Variants in R3HDM2 observed in about 807,000 individuals in gnomAD.
R3HDM2 encodes the protein R3H domain-containing protein 2.
Under a neutral mutation model 124.5 loss-of-function variants are expected in R3HDM2, and 38 were observed. The ratio of observed to expected loss-of-function variants is 0.31; its 90% CI spans 0.24 to 0.40. The LOEUF is 0.40. R3HDM2 is among the 10% of genes least tolerant of loss of function. The pLI is 1.00. For synonymous variants in R3HDM2, 391 were observed against 448.0 expected (o/e 0.87, Z 1.61); for missense variants, 869 against 1,236.9 (o/e 0.70, Z 4.46).
At chr12:57,368,247 A>C (rs1455704796) in intron 2 of R3HDM2, among the ~76,000 whole-genome samples, 1 of 152,156 alleles carries the variant, frequency 6.6e-6, no homozygotes, top group African/African-American at 2.4e-5. Flanking sequence ...TAACTTTTTA[A>C]GCAGAAAATA....
intron 1 of R3HDM2, among the ~76,000 whole-genome samples, chr12:57,426,807 G>A (rs1399079121): frequency 6.6e-6 from 1 of 152,060 alleles, no homozygotes; most frequent in Non-Finnish European, 1.5e-5. Context: ...ATCTCTCAAT[G>A]AGTACCTTAG....
intron 21 of R3HDM2, among the ~76,000 whole-genome samples, chr12:57,256,962 T>C (rs2136960591): frequency 6.6e-6 from 1 of 152,168 alleles, no homozygotes; most frequent in Admixed American, 6.5e-5. Context: ...ATTACAAGCA[T>C]GTGCCACCAC....
At chr12:57,355,694 C>T (rs1453554259) in intron 2 of R3HDM2, among the ~76,000 whole-genome samples, 1 of 152,088 alleles carries the variant, frequency 6.6e-6, no homozygotes, top group Non-Finnish European at 1.5e-5. Context: ...TGCTTCCAGA[C>T]AAATTTTGTC....
intron 2 of R3HDM2, among the ~76,000 whole-genome samples, chr12:57,368,824 G>A (rs565962255): frequency 2.0e-5 from 3 of 152,144 alleles, no homozygotes; most frequent in South Asian, 2.1e-4. Flanking sequence ...TCTGTGAGTC[G>A]TTCTAGTAAA....
intron 6 of R3HDM2, 50 bp downstream of exon 6, chr12:57,299,302 A>T (rs769640756): frequency 2.0e-6 from 3 of 1,498,700 alleles, no homozygotes; most frequent in Non-Finnish European, 1.8e-6. Flanking sequence ...TCAGGATAAA[A>T]GTAAAGGGCA....
intron 14 of R3HDM2, among the ~76,000 whole-genome samples, chr12:57,275,977 G>A (rs2044600109): frequency 6.6e-6 from 1 of 152,144 alleles, no homozygotes; most frequent in Non-Finnish European, 1.5e-5. Context: ...CAGCACTTTG[G>A]GAGGCCAAGG....
chr12:57,429,686 C>T (rs1869179105), intron 1 of R3HDM2, among the ~76,000 whole-genome samples: 1 of 144,450 alleles, frequency 6.9e-6, no homozygotes, highest in Non-Finnish European at 1.5e-5. Flanking sequence ...ACACTCCATT[C>T]TGGGTGACAG....
Position 57,313,157 on chromosome 12 carries a change from C to T in R3HDM2, c.-35-2694G>A, listed in dbSNP as rs574427700. Among the ~76,000 whole-genome samples the T allele has an allele frequency of 3.9e-5, 6 of 152,176 alleles. No individual in the cohort carries two copies. The South Asian group carries it at 1.2e-3, about 32-fold the overall frequency. On this transcript the variant is annotated intron_variant, in intron 2 of 23. Coordinates refer to ENST00000402412, the MANE Select transcript of R3HDM2 (RefSeq NM_001394031.1). ...GTATGTAGTATGTATGTATGTATTA[C>T]CCACCCCCACAATGGGTAAATCAAG... is the stretch of plus-strand genomic sequence containing the variant.
intron 2 of R3HDM2, among the ~76,000 whole-genome samples, chr12:57,358,336 G>A (rs745486053): frequency 1.6e-4 from 25 of 152,042 alleles, no homozygotes; most frequent in Non-Finnish European, 3.2e-4. Context: ...AAGGGATTTA[G>A]TTAGAAATTA....
intron 14 of R3HDM2, among the ~76,000 whole-genome samples, chr12:57,277,014 A>G (rs1356647146): frequency 1.3e-5 from 2 of 151,822 alleles, no homozygotes. Flanking sequence ...GTGCACCACA[A>G]TCTCACAAAT....
chr12:57,354,838 T>C (rs1394235909), intron 2 of R3HDM2, among the ~76,000 whole-genome samples: 1 of 152,050 alleles, frequency 6.6e-6, no homozygotes, highest in South Asian at 2.1e-4. Flanking sequence ...AAGAATTTTA[T>C]TTTCGAGACA....
chr12:57,361,924 G>C (rs778667841), intron 2 of R3HDM2, among the ~76,000 whole-genome samples: 3 of 152,110 alleles, frequency 2.0e-5, no homozygotes, highest in Non-Finnish European at 4.4e-5. Flanking sequence ...ACACCATTAA[G>C]AAAATCACTA....
chr12:57,381,755 G>A (rs933037956), intron 2 of R3HDM2, among the ~76,000 whole-genome samples: 6 of 152,038 alleles, frequency 3.9e-5, no homozygotes, highest in African/African-American at 1.5e-4. Context: ...TAGGTGGGCA[G>A]GCTGAGAATT....
intron 2 of R3HDM2, among the ~76,000 whole-genome samples, chr12:57,350,694 C>A (rs1446158281): frequency 1.3e-5 from 2 of 152,204 alleles, no homozygotes; most frequent in Non-Finnish European, 2.9e-5. Context: ...AGAACTCATG[C>A]CTGTAATCTC....
chr12:57,325,346 A>G (rs1456974657), intron 2 of R3HDM2, among the ~76,000 whole-genome samples: 3 of 152,122 alleles, frequency 2.0e-5, no homozygotes, highest in Non-Finnish European at 2.9e-5. Flanking sequence ...GTTTCACCAC[A>G]TTGGCTAGGC....
At chr12:57,345,408 C>CA (rs1566268310) in intron 2 of R3HDM2, among the ~76,000 whole-genome samples, 1 of 151,832 alleles carries the variant, frequency 6.6e-6, no homozygotes, top group Non-Finnish European at 1.5e-5. Flanking sequence ...CAGCTAAACA[C>CA]AAAAAGAGAA....
At chr12:57,269,601 T>C (rs2043161492) in intron 15 of R3HDM2, 151 bp downstream of exon 15, 3 of 1,447,134 alleles carry the variant, frequency 2.1e-6, no homozygotes, top group Non-Finnish European at 1.9e-6. Flanking sequence ...ATTTATGTTA[T>C]ATAGAAAGAA....
intron 1 of R3HDM2, among the ~76,000 whole-genome samples, chr12:57,411,122 C>A (rs1278894953): frequency 6.6e-6 from 1 of 152,146 alleles, no homozygotes; most frequent in Non-Finnish European, 1.5e-5. Context: ...AATTAAAATA[C>A]CAGCTAAAAT....
chr12:57,425,456 G>T (rs755619470), intron 1 of R3HDM2, among the ~76,000 whole-genome samples: 7 of 152,182 alleles, frequency 4.6e-5, no homozygotes, highest in Admixed American at 1.3e-4. Context: ...CCTCGCAAAG[G>T]TTTAAGCAAA....
Sources: gnomAD v4.1 joint callset for allele counts (sites outside exome capture counted in the v4.1 genomes callset) on GRCh38, gnomAD v4.1.1 for gene constraint, MANE v1.5 for transcripts, NCBI Gene and HGNC (gene_info 2026-07-23, HGNC 2026-07-21) for gene names.